The following SLC10A7 variants were observed in gnomAD, a reference collection of about 807,000 sequenced individuals.
SLC10A7 encodes sodium/bile acid cotransporter 7.
A neutral mutation model predicts 43.2 loss-of-function variants in SLC10A7; 29 were observed. The ratio of observed to expected loss-of-function variants is 0.67; its 90% CI spans 0.50 to 0.92. The LOEUF is 0.92. Among genes scored for constraint, SLC10A7 ranks in the 40% least tolerant of loss-of-function variants. The pLI is 0.00. For synonymous variants in SLC10A7, 152 were observed against 144.8 expected, an observed-to-expected ratio of 1.05 and a Z score of -0.35; for missense variants, 295 against 403.2, an observed-to-expected ratio of 0.73 and a Z score of 2.30.
chr4:146,285,299 G>C (rs1248071533), intron 9 of SLC10A7, among the ~76,000 whole-genome samples: 4 of 152,040 alleles, frequency 2.6e-5, no homozygotes, highest in African/African-American at 9.7e-5. Flanking sequence ...GCAGGAAGCA[G>C]GGAGCTCTAA....
At chr4:146,383,205 G>A in intron 5 of SLC10A7, among the ~76,000 whole-genome samples, 1 of 152,076 alleles carries the variant, frequency 6.6e-6, no homozygotes, top group Non-Finnish European at 1.5e-5. Context: ...TTTACAAAAT[G>A]ATTATTTTGA....
intron 4 of SLC10A7, among the ~76,000 whole-genome samples, chr4:146,454,703 T>C (rs367589027): frequency 6.6e-6 from 1 of 151,844 alleles, no homozygotes; most frequent in South Asian, 2.1e-4. Flanking sequence ...GTGCACATAT[T>C]AGATGCTCAA....
chr4:146,402,885 T>C (rs941351749), intron 5 of SLC10A7, among the ~76,000 whole-genome samples: 1 of 152,216 alleles, frequency 6.6e-6, no homozygotes, highest in African/African-American at 2.4e-5. Context: ...ACAGTGTATG[T>C]AGTGGTTAAG....
chr4:146,497,527 C>A (rs1736003057), intron 4 of SLC10A7, among the ~76,000 whole-genome samples: 1 of 152,148 alleles, frequency 6.6e-6, no homozygotes, highest in South Asian at 2.1e-4. Flanking sequence ...TATAGCTTTG[C>A]AACTTTACTT....
intron 5 of SLC10A7, among the ~76,000 whole-genome samples, chr4:146,375,683 G>A (rs936935195): frequency 3.3e-5 from 5 of 152,014 alleles, no homozygotes; most frequent in African/African-American, 1.2e-4. Flanking sequence ...ATGTTGTAAA[G>A]GCTAAGAAAA....
At chr4:146,268,910 G>A (rs1265561745) in intron 10 of SLC10A7, among the ~76,000 whole-genome samples, 2 of 152,156 alleles carry the variant, frequency 1.3e-5, no homozygotes, top group African/African-American at 2.4e-5. Context: ...ATAATGGATG[G>A]TAAAATGTAA....
intron 5 of SLC10A7, among the ~76,000 whole-genome samples, chr4:146,438,390 TTA>T (rs1341139561): frequency 6.6e-6 from 1 of 152,048 alleles, no homozygotes; most frequent in African/African-American, 2.4e-5. Flanking sequence ...ATGAAGAGAT[TTA>T]GAAAGTAATC....
chr4:146,503,434 A>T (rs570837159), intron 4 of SLC10A7, among the ~76,000 whole-genome samples: 3 of 152,290 alleles, frequency 2.0e-5, no homozygotes, highest in African/African-American at 7.2e-5. Context: ...TTTTTATATC[A>T]TCCTCACTTG....
chr4:146,479,272 T>C (rs1244341210), intron 4 of SLC10A7, among the ~76,000 whole-genome samples: 1 of 152,206 alleles, frequency 6.6e-6, no homozygotes, highest in Non-Finnish European at 1.5e-5. Context: ...ATTATCTTCG[T>C]AATAATCAAA....
chr4:146,494,111 C>T (rs530053219), intron 4 of SLC10A7, among the ~76,000 whole-genome samples: 1 of 152,318 alleles, frequency 6.6e-6, no homozygotes, highest in African/African-American at 2.4e-5. Context: ...TGTGTTCCCT[C>T]ATAGTTTACA....
intron 5 of SLC10A7, among the ~76,000 whole-genome samples, chr4:146,327,527 G>A (rs1733219020): frequency 6.6e-6 from 1 of 152,148 alleles, no homozygotes; most frequent in South Asian, 2.1e-4. Context: ...ACATAAAAAT[G>A]AAAATATCTA....
rs375805037 is a variant in SLC10A7, at chr4:146,436,260, T to C, written c.435+6523A>G. On this transcript the variant is annotated intron_variant, in intron 5 of 11. Transcript: ENST00000335472. ...TAAAATGGAATAGGTACAGATCCTATACATTTTTATTAAGTAACAAAGACC... is the reference window on the plus strand; with the variant it reads ...TAAAATGGAATAGGTACAGATCCTACACATTTTTATTAAGTAACAAAGACC... Among the ~76,000 whole-genome samples the C allele has an allele frequency of 2.4e-4, 37 of 152,290 alleles. No homozygotes were observed. The East Asian group carries it at 3.7e-3, about 15-fold the overall frequency.
chr4:146,400,605 GA>G (rs1397592190), intron 5 of SLC10A7, among the ~76,000 whole-genome samples: 1 of 152,042 alleles, frequency 6.6e-6, no homozygotes, highest in East Asian at 1.9e-4. Context: ...TAGAACTAAG[GA>G]TATGGGCTCT....
At chr4:146,346,668 A>T (rs1337036650) in intron 5 of SLC10A7, among the ~76,000 whole-genome samples, 1 of 152,172 alleles carries the variant, frequency 6.6e-6, no homozygotes, top group Non-Finnish European at 1.5e-5. Context: ...AAACAGTTTC[A>T]TGAGTATTTA....
chr4:146,329,885 T>C (rs1733415220), intron 5 of SLC10A7, among the ~76,000 whole-genome samples: 1 of 152,236 alleles, frequency 6.6e-6, no homozygotes, highest in Non-Finnish European at 1.5e-5. Context: ...TTATTTCTCT[T>C]TTCTCTTTCC....
chr4:146,440,460 G>A (rs1417454450), intron 5 of SLC10A7, among the ~76,000 whole-genome samples: 1 of 152,090 alleles, frequency 6.6e-6, no homozygotes, highest in East Asian at 1.9e-4. Flanking sequence ...TGCAGATGGT[G>A]GAGGAGAGAG....
intron 5 of SLC10A7, among the ~76,000 whole-genome samples, chr4:146,345,119 A>T (rs1405398099): frequency 6.6e-6 from 1 of 152,160 alleles, no homozygotes; most frequent in Non-Finnish European, 1.5e-5. Flanking sequence ...TTGAGGCAAG[A>T]GGTACTTTTA....
intron 5 of SLC10A7, among the ~76,000 whole-genome samples, chr4:146,400,695 G>A (rs1358263990): frequency 6.6e-6 from 1 of 151,836 alleles, no homozygotes; most frequent in Non-Finnish European, 1.5e-5. Flanking sequence ...AGTTTTTTTG[G>A]TTCCAAGGAA....
At chr4:146,300,235 G>A (rs1731070852) in intron 7 of SLC10A7, among the ~76,000 whole-genome samples, 1 of 152,138 alleles carries the variant, frequency 6.6e-6, no homozygotes, top group East Asian at 1.9e-4. Flanking sequence ...CAGGTATGGT[G>A]GCTATGAAGT....
Sources: allele counts gnomAD v4.1 joint callset (sites outside exome capture counted in the v4.1 genomes callset), GRCh38; gene constraint gnomAD v4.1.1; transcripts MANE v1.5; gene names NCBI Gene and HGNC (gene_info 2026-07-23, HGNC 2026-07-21).